Variants in TBC1D9B observed in about 807,000 individuals in gnomAD.
TBC1D9B encodes TBC1 domain family member 9B.
Under a neutral mutation model 121.1 loss-of-function variants are expected in TBC1D9B, and 87 were observed. The observed-to-expected ratio is 0.72, with a 90% CI of 0.60 to 0.86. The LOEUF (loss-of-function observed/expected upper bound fraction) is 0.86, where lower values mean the gene tolerates loss of function less well. Among genes scored for constraint, TBC1D9B ranks in the 40% least tolerant of loss-of-function variants. The pLI, the probability that TBC1D9B is intolerant of heterozygous loss-of-function variation, is 0.00. For missense variants in TBC1D9B, 1,540 were observed against 1,628.6 expected (o/e 0.95, Z 0.94); for synonymous variants, 668 against 670.1 (o/e 1.00, Z 0.05).
chr5:179,869,317 A>T (rs1437646765), intron 17 of TBC1D9B: 1 of 349,176 alleles, frequency 2.9e-6, no homozygotes, highest in East Asian at 7.5e-5. Flanking sequence ...TCGCCAGTGC[A>T]GCCCCACTAG....
Position 179,885,453 on chromosome 5 carries a change from G to C in TBC1D9B, c.1254+2650C>G, listed in dbSNP as rs2113628449. The stretch of plus-strand genomic sequence containing the variant: ...AAAAATACAAAATAAGCCGGGCGTG[G>C]TGGTGGACGCCTGTAATCCCAGCTA... On this transcript the variant is annotated intron_variant, in intron 7 of 20. Transcript: ENST00000355235. This position sits in a 1 kb window ranked among gnomAD's most constrained non-coding sequence, Gnocchi z 4.5. 6.6e-6 allele frequency among the ~76,000 whole-genome samples: 1 copy of C among 152,144 alleles called. No individual in the cohort carries two copies. The highest frequency in any genetic ancestry group is 6.5e-5 in the Admixed American group (1 of 15,290).
chr5:179,864,009 C>T lies in TBC1D9B; in HGVS notation c.3141G>A (p.Val1047=), dbSNP rs534675849. 3 of 1,613,836 alleles carry T rather than the reference C, an allele frequency of 1.9e-6. No individual in the cohort carries two copies. Among genetic ancestry groups the T allele is most frequent in the South Asian group, 1.1e-5 (1 of 91,084 alleles). The change falls in exon 21 of 21, where the codon GTG becomes GTA. Residue 1047 remains valine, a synonymous_variant. Transcript: ENST00000355235. ...VASLLLRIGE[V]GKKFSARTGR... is the part of the protein sequence containing the mutation. ...CTGTGCGGGCTGAGAACTTCTTCCC[C>T]ACCTCTCCGATGCGGAGCAGGAGGC...
chr5:179,879,542 AAGGCCC>A, intron 8 of TBC1D9B, 80 bp downstream of exon 8: 1 of 1,596,528 alleles, frequency 6.3e-7, no homozygotes, highest in Non-Finnish European at 8.6e-7. Flanking sequence ...GCCCTGAGGG[AAGGCCC>A]AGGCCCAGGA....
In TBC1D9B at chr5:179,904,614, G is replaced by C; in HGVS notation, c.229+88C>G. The C allele has an allele frequency of 1.8e-6, 2 of 1,141,610 alleles. No homozygotes were observed. The highest frequency in any genetic ancestry group is 2.5e-6 in the Non-Finnish European group (2 of 785,054). 70.7% of individuals were successfully genotyped at this position (1,141,610 alleles called of 1,614,324 possible). ...TGCTGTCAGCAGGGAATACCACCCA[G>C]ACACGTGGGCTACACACCCCTTCCT... On this transcript the variant is annotated intron_variant, in intron 2 of 20. Transcript: ENST00000355235. This position sits in a 1 kb window ranked among gnomAD's most constrained non-coding sequence, Gnocchi z 4.2.
In TBC1D9B at chr5:179,894,604, G is replaced by A; in HGVS notation, c.359C>T (p.Ala120Val). ...FVKGKIHGIIAEENKNLQPQG... is the reference protein window; with the variant it reads ...FVKGKIHGIIVEENKNLQPQG... ...GGGCTGCAGGTTCTTGTTCTCTTCT[G>A]CGATGATTCCCTGGAGGAAGGCAAG... Residue 120 changes from alanine (A) to valine (V), a missense_variant, in exon 4 of 21, where the codon GCA (alanine) becomes GTA (valine). Ala to Val is a moderately conservative substitution (Grantham distance 64). Transcript: ENST00000355235. 6.2e-7 allele frequency: 1 copy of A among 1,614,174 alleles called. No homozygotes were observed. Among genetic ancestry groups the A allele is most frequent in the Non-Finnish European group, 8.5e-7 (1 of 1,180,014 alleles).
Position 179,863,444 on chromosome 5 carries a change from G to A in TBC1D9B, c.*4C>T. 6.2e-7 allele frequency: 1 copy of A among 1,611,580 alleles called. No homozygotes were observed. The highest frequency in any genetic ancestry group is 1.1e-5 in the South Asian group (1 of 90,704). Reference sequence around the variant, plus strand: ...CCTTGGGCCAGGCCTCACAGCTGCAGGCATCAGCCGGAAACTCCAGGCTGC... The same window carrying A: ...CCTTGGGCCAGGCCTCACAGCTGCAAGCATCAGCCGGAAACTCCAGGCTGC... On this transcript the variant is annotated 3_prime_UTR_variant, in exon 21 of 21. Coordinates refer to ENST00000355235, the MANE Select transcript of TBC1D9B (RefSeq NM_015043.4). The surrounding 1 kb of genome is among the most constrained non-coding windows in gnomAD (Gnocchi z 4.5).
In TBC1D9B at chr5:179,890,044, G is replaced by T. The variant is rs190318730; in HGVS notation, c.1044+1335C>A. 2.0e-5 allele frequency among the ~76,000 whole-genome samples: 3 copies of T among 152,060 alleles called. No homozygotes were observed. Among genetic ancestry groups the T allele is most frequent in the Admixed American group, 1.3e-4 (2 of 15,274 alleles). On this transcript the variant is annotated intron_variant, in intron 6 of 20. Transcript: ENST00000355235. This position sits in a 1 kb window ranked among gnomAD's most constrained non-coding sequence, Gnocchi z 5.0. ...GGAGGGAGAGGTCGGAATCTAGGCC[G>T]ATACGTGGCTTTTACCTGGGCAAAG...
At chr5:179,868,169 C>A (rs534372433) in intron 17 of TBC1D9B, 4 of 193,042 alleles carry the variant, frequency 2.1e-5, no homozygotes, top group African/African-American at 9.3e-5. Context: ...TCCCAAAGTG[C>A]TGGGATTACA....
chr5:179,894,319 T>C, intron 4 of TBC1D9B, 67 bp downstream of exon 4: 1 of 1,426,192 alleles, frequency 7.0e-7, no homozygotes, highest in Admixed American at 2.0e-5. Flanking sequence ...GGATGGAGTA[T>C]CTGGGGGCCG....
intron 17 of TBC1D9B, 90 bp from the exon 18 acceptor site, chr5:179,867,939 C>A (rs1760071406): frequency 5.4e-6 from 7 of 1,303,724 alleles, no homozygotes; most frequent in African/African-American, 1.5e-5. Flanking sequence ...CAGAGCCTTG[C>A]TTTCCCTGCC....
At chr5:179,887,991 G>C in intron 7 of TBC1D9B, 112 bp downstream of exon 7, 1 of 1,357,096 alleles carries the variant, frequency 7.4e-7, no homozygotes, top group East Asian at 2.3e-5. Flanking sequence ...TCCACCCCTA[G>C]GCGGAGGCCC....
At chr5:179,879,879 C>G in intron 7 of TBC1D9B, 90 bp from the exon 8 acceptor site, 1 of 1,431,372 alleles carries the variant, frequency 7.0e-7, no homozygotes, top group Non-Finnish European at 9.2e-7. Flanking sequence ...TGGATCGGGG[C>G]CCGGTGCAAG....
At position 179,907,574 on chromosome 5, in the gene TBC1D9B, G is replaced by T; in HGVS notation, c.118+130C>A. 2.7e-6 allele frequency: 1 copy of T among 374,308 alleles called. No homozygotes were observed. The highest frequency in any genetic ancestry group is 3.6e-6 in the Non-Finnish European group (1 of 275,286). 23.2% of individuals were successfully genotyped at this position (374,308 alleles called of 1,614,324 possible). On this transcript the variant is annotated intron_variant, in intron 1 of 20. Coordinates refer to ENST00000355235, the MANE Select transcript of TBC1D9B (RefSeq NM_015043.4). The surrounding 1 kb of genome is among the most constrained non-coding windows in gnomAD (Gnocchi z 5.3). Reference sequence around the variant, plus strand: ...TGGCCTCGCGCCCCCGCCCCGCCGCGCGCTGGCGTGCGTGTCCGCCGCGAC... The same window carrying T: ...TGGCCTCGCGCCCCCGCCCCGCCGCTCGCTGGCGTGCGTGTCCGCCGCGAC...
rs1285873361 is a variant in TBC1D9B, at chr5:179,891,807, A to G, written c.837-221T>C. On this transcript the variant is annotated intron_variant, in intron 5 of 20. Coordinates refer to ENST00000355235, the MANE Select transcript of TBC1D9B (RefSeq NM_015043.4). The surrounding 1 kb of genome is among the most constrained non-coding windows in gnomAD (Gnocchi z 4.3). ...GAGACAGTCACATAACCAGCGGAGA[A>G]GTGGCCAGCAAGCAATGTGTCCTGA... Among the ~76,000 whole-genome samples the G allele has an allele frequency of 6.6e-6, 1 of 152,198 alleles. No individual in the cohort carries two copies. Among genetic ancestry groups the G allele is most frequent in the Non-Finnish European group, 1.5e-5 (1 of 68,028 alleles).
intron 5 of TBC1D9B, among the ~76,000 whole-genome samples, chr5:179,892,057 G>T (rs460899): frequency 0.09 from 13,646 of 152,236 alleles, 2,014 homozygotes; most frequent in African/African-American, 0.31. Flanking sequence ...TAAAGCATGC[G>T]GCTGCTAACA....
rs949628683 is a variant in TBC1D9B, at chr5:179,875,919, C to A, written c.1900+1G>T. 6 of 1,602,456 alleles carry A rather than the reference C, an allele frequency of 3.7e-6. No individual in the cohort carries two copies. In the African/African-American group the frequency reaches 6.7e-5, roughly 18 times the overall value. Reference sequence around the variant, plus strand: ...GCGAGGCAGCACCCGGGGACACTCACCCACCACCCTGGTGTTGTAGTAGTC... The same window carrying A: ...GCGAGGCAGCACCCGGGGACACTCAACCACCACCCTGGTGTTGTAGTAGTC... On this transcript the variant is annotated splice_donor_variant, in intron 11 of 20. Coordinates refer to ENST00000355235, the MANE Select transcript of TBC1D9B (RefSeq NM_015043.4). LOFTEE classifies it high-confidence loss of function. This position sits in a 1 kb window ranked among gnomAD's most constrained non-coding sequence, Gnocchi z 4.5.
intron 20 of TBC1D9B, among the ~76,000 whole-genome samples, chr5:179,864,802 G>GGCT (rs1334906094): frequency 6.6e-5 from 10 of 152,238 alleles, no homozygotes; most frequent in Non-Finnish European, 7.3e-5. Context: ...ACTTGCCTTT[G>GGCT]GCTCAACGCT....
In TBC1D9B at chr5:179,875,990, C is replaced by T. The variant is rs775494575; in HGVS notation, c.1830G>A (p.Glu610=). Residue 610 remains glutamate (E), a synonymous_variant, in exon 11 of 21, where the codon GAG becomes GAA. Transcript: ENST00000355235. This position sits in a 1 kb window ranked among gnomAD's most constrained non-coding sequence, Gnocchi z 4.5. ...TSVLLLYGSE[E]EAFWLLVALC... ...GGGCCACCAGGAGCCAGAAGGCCTC[C>T]TCCTCACTGCCATAGAGCAGGAGCA... The T allele has an allele frequency of 1.9e-6, 3 of 1,612,426 alleles. No homozygotes were observed. The highest frequency in any genetic ancestry group is 2.5e-6 in the Non-Finnish European group (3 of 1,179,492).
At chr5:179,882,082 T>C (rs1389615263) in intron 7 of TBC1D9B, among the ~76,000 whole-genome samples, 1 of 151,888 alleles carries the variant, frequency 6.6e-6, no homozygotes, top group African/African-American at 2.4e-5. Context: ...GTAGCTGGGA[T>C]TACAGGTGTG....
Sources: allele counts gnomAD v4.1 joint callset (sites outside exome capture counted in the v4.1 genomes callset), GRCh38; gene constraint gnomAD v4.1.1; non-coding constraint Gnocchi (gnomAD v3.1); transcripts MANE v1.5; gene names NCBI Gene and HGNC (gene_info 2026-07-23, HGNC 2026-07-21).